TRMT11: variants seen among roughly 807,000 people sequenced by gnomAD.
TRMT11 encodes tRNA methyltransferase 11.
Under a neutral mutation model 62.8 loss-of-function variants are expected in TRMT11, and 53 were observed. The observed-to-expected ratio is 0.84, with a 90% CI of 0.68 to 1.06. TRMT11 has a LOEUF of 1.06. Ranked by LOEUF, TRMT11 falls within the 50% of genes least tolerant of loss-of-function variation. The probability of loss-of-function intolerance (pLI) is 0.00; values close to 1 mark genes in which losing one functional copy is unlikely to be tolerated. For synonymous variants in TRMT11, 188 were observed against 190.3 expected (o/e 0.99, Z 0.10); for missense variants, 556 against 553.4 (o/e 1.00, Z -0.05).
intron 1 of TRMT11, among the ~76,000 whole-genome samples, chr6:125,991,166 A>T (rs1198557056): frequency 2.0e-5 from 3 of 151,810 alleles, no homozygotes; most frequent in Non-Finnish European, 4.4e-5. Flanking sequence ...GAATCGCATG[A>T]ACCTGGGAGG....
chr6:126,147,377 A>C (rs1777985909), intron 21 of TRMT11, among the ~76,000 whole-genome samples: 1 of 152,168 alleles, frequency 6.6e-6, no homozygotes, highest in South Asian at 2.1e-4. Context: ...TTGGTTTACT[A>C]TTCAGCTGTT....
intron 2 of TRMT11, among the ~76,000 whole-genome samples, chr6:125,995,401 G>C (rs187518802): frequency 1.3e-5 from 2 of 152,140 alleles, no homozygotes; most frequent in Admixed American, 1.3e-4. Flanking sequence ...TTGGGTGTTG[G>C]GATAGAGGAT....
At chr6:126,084,246 C>T (rs1210303870) in intron 17 of TRMT11, among the ~76,000 whole-genome samples, 1 of 152,092 alleles carries the variant, frequency 6.6e-6, no homozygotes, top group African/African-American at 2.4e-5. Flanking sequence ...AAACCCTCAC[C>T]AACATTTGTT....
intron 12 of TRMT11, among the ~76,000 whole-genome samples, chr6:126,023,866 T>G (rs949666776): frequency 3.9e-5 from 6 of 152,210 alleles, no homozygotes; most frequent in African/African-American, 1.4e-4. Flanking sequence ...TGTAATCTAC[T>G]TAAATACTAG....
intron 21 of TRMT11, among the ~76,000 whole-genome samples, chr6:126,159,052 A>G (rs1295495857): frequency 6.6e-6 from 1 of 152,110 alleles, no homozygotes; most frequent in Non-Finnish European, 1.5e-5. Context: ...ACTGATGCCA[A>G]AGGGCAGAGT....
chr6:126,092,377 G>A (rs935807486), intron 17 of TRMT11, among the ~76,000 whole-genome samples: 6 of 152,270 alleles, frequency 3.9e-5, no homozygotes, highest in Admixed American at 1.3e-4. Flanking sequence ...ATGGTGGCAG[G>A]CAAGAGAGAG....
the TRMT11 span, among the ~76,000 whole-genome samples, chr6:126,237,996 C>T: frequency 1.3e-5 from 2 of 152,246 alleles, no homozygotes; most frequent in African/African-American, 2.4e-5. Context: ...AGTTTATTTG[C>T]GTAGAGGTGT....
chr6:126,257,226 C>G, the TRMT11 span, among the ~76,000 whole-genome samples: 1 of 151,760 alleles, frequency 6.6e-6, no homozygotes, highest in Admixed American at 6.6e-5. Context: ...AGCCTGTTTT[C>G]TGCTTGTAGC....
chr6:126,024,318 A>G (rs1347693543), intron 12 of TRMT11, among the ~76,000 whole-genome samples: 2 of 152,242 alleles, frequency 1.3e-5, no homozygotes, highest in African/African-American at 4.8e-5. Context: ...GTAAGGTGTC[A>G]GCAGACTTGG....
chr6:126,133,981 C>T (rs1401326132), intron 21 of TRMT11, among the ~76,000 whole-genome samples: 3 of 151,704 alleles, frequency 2.0e-5, no homozygotes, highest in African/African-American at 7.3e-5. Context: ...TTGATACTCC[C>T]CTTTTCTTCT....
At chr6:126,258,340 T>C in the TRMT11 span, 8 of 381,484 alleles carry the variant, frequency 2.1e-5, no homozygotes, top group African/African-American at 1.5e-4. Flanking sequence ...CCGTCTGCCA[T>C]GGCGGCTGCC....
At chr6:126,103,973 T>C (rs760943845) in intron 17 of TRMT11, among the ~76,000 whole-genome samples, 30 of 152,194 alleles carry the variant, frequency 2.0e-4, no homozygotes, top group Non-Finnish European at 1.9e-4. Context: ...CCTTGGAGCC[T>C]ATCCACCACA....
intron 21 of TRMT11, among the ~76,000 whole-genome samples, chr6:126,166,210 C>T (rs1264231250): frequency 6.6e-6 from 1 of 152,038 alleles, no homozygotes; most frequent in Non-Finnish European, 1.5e-5. Context: ...TTCTTAGCTT[C>T]CTTCCATTGG....
intron 21 of TRMT11, among the ~76,000 whole-genome samples, chr6:126,150,615 A>G (rs9375425): frequency 0.21 from 31,520 of 152,180 alleles, 3,412 homozygotes; most frequent in Middle Eastern, 0.32. Context: ...TATGAAGCTC[A>G]GGAGACAGGC....
chr6:126,213,905 T>G, the TRMT11 span, among the ~76,000 whole-genome samples: 1 of 152,044 alleles, frequency 6.6e-6, no homozygotes, highest in Non-Finnish European at 1.5e-5. Flanking sequence ...GCTTTTATTG[T>G]GTTGACTTAT....
the TRMT11 span, among the ~76,000 whole-genome samples, chr6:126,232,837 C>G: frequency 3.9e-5 from 6 of 152,246 alleles, no homozygotes; most frequent in East Asian, 9.6e-4. Context: ...TGAAGCATCC[C>G]TTTCTTGGAA....
At position 126,006,545 on chromosome 6, in the gene TRMT11, C is replaced by T. The variant is rs191685205; in HGVS notation, c.680-1847C>T. On this transcript the variant is annotated intron_variant, in intron 7 of 12. Transcript: ENST00000334379. ...TATGCAGTATTTTTACTTTTGGTAA[C>T]GCAAAAAGAAATGGGTGAGTCATGT... is the stretch of plus-strand genomic sequence containing the variant. Among the ~76,000 whole-genome samples the T allele has an allele frequency of 6.7e-4, 102 of 151,474 alleles. 1 individual carries two copies. The highest frequency in any genetic ancestry group is 3.4e-3 in the Middle Eastern group (1 of 292).
chr6:126,150,151 G>A (rs1250511842), intron 21 of TRMT11, among the ~76,000 whole-genome samples: 1 of 152,122 alleles, frequency 6.6e-6, no homozygotes, highest in Non-Finnish European at 1.5e-5. Flanking sequence ...AATTATCATG[G>A]GTGAAGAACT....
chr6:126,212,471 T>C, the TRMT11 span, among the ~76,000 whole-genome samples: 991 of 152,232 alleles, frequency 6.5e-3, 12 homozygotes, highest in African/African-American at 0.023. Flanking sequence ...ATTTTAACTG[T>C]TGTGAGATGA....
Sources: gnomAD v4.1 joint callset for allele counts (sites outside exome capture counted in the v4.1 genomes callset) on GRCh38, gnomAD v4.1.1 for gene constraint, MANE v1.5 for transcripts, NCBI Gene and HGNC (gene_info 2026-07-23, HGNC 2026-07-21) for gene names.